Variants in LRTM1 observed in about 807,000 individuals in gnomAD.
LRTM1 encodes leucine rich repeat transmembrane protein 1.
In LRTM1, 38 loss-of-function variants were observed where a neutral mutation model predicts 32.4. The ratio of observed to expected loss-of-function variants is 1.17; its 90% CI spans 0.91 to 1.54. LRTM1 has a LOEUF of 1.54. Among genes scored for constraint, LRTM1 ranks in the 40% most tolerant of loss-of-function variants. The pLI is 0.00. For missense variants in LRTM1, 466 were observed against 415.4 expected (o/e 1.12, Z -1.06); for synonymous variants, 186 against 169.9 (o/e 1.09, Z -0.74).
chr3:54,939,692 C>G (rs1701414429), intron 1 of LRTM1, among the ~76,000 whole-genome samples: 1 of 152,216 alleles, frequency 6.6e-6, no homozygotes, highest in Admixed American at 6.5e-5. Flanking sequence ...TGGCTGTTTC[C>G]CTATTCAGAA....
chr3:54,954,704 G>A (rs1701837651), intron 1 of LRTM1, among the ~76,000 whole-genome samples: 1 of 152,166 alleles, frequency 6.6e-6, no homozygotes, highest in Non-Finnish European at 1.5e-5. Flanking sequence ...CCAGGCCTCA[G>A]CTTTTGAGAG....
At chr3:54,950,282 G>A (rs911480893) in intron 1 of LRTM1, among the ~76,000 whole-genome samples, 28 of 152,290 alleles carry the variant, frequency 1.8e-4, no homozygotes, top group African/African-American at 5.3e-4. Flanking sequence ...CCAAATGAAC[G>A]TAGATGTTAT....
intron 1 of LRTM1, among the ~76,000 whole-genome samples, chr3:54,954,992 G>C (rs936640132): frequency 7.2e-5 from 11 of 152,138 alleles, no homozygotes; most frequent in Admixed American, 2.6e-4. Flanking sequence ...CTATGCTTAG[G>C]GAATATGAGA....
At chr3:54,941,615 T>C (rs2106985842) in intron 1 of LRTM1, among the ~76,000 whole-genome samples, 1 of 152,366 alleles carries the variant, frequency 6.6e-6, no homozygotes, top group East Asian at 1.9e-4. Context: ...ATTGTTTTCA[T>C]TGTCTTTTGT....
chr3:54,947,841 T>C (rs905748919), intron 1 of LRTM1, among the ~76,000 whole-genome samples: 1 of 152,190 alleles, frequency 6.6e-6, no homozygotes, highest in Non-Finnish European at 1.5e-5. Flanking sequence ...TCCATGTAAA[T>C]GGTTCTCTAG....
chr3:54,918,947 A>C, intron 2 of LRTM1, 55 bp from the exon 3 acceptor site: 1 of 1,402,074 alleles, frequency 7.1e-7, no homozygotes, highest in Non-Finnish European at 9.4e-7. Context: ...ACAGAGTTCC[A>C]AAATCCTCTG....
intron 1 of LRTM1, among the ~76,000 whole-genome samples, chr3:54,946,744 C>A (rs755513606): frequency 1.3e-5 from 2 of 151,836 alleles, no homozygotes; most frequent in Non-Finnish European, 2.9e-5. Context: ...GAATCCAATC[C>A]TTTCTTAAAC....
At chr3:54,929,563 C>T (rs1375831448), upstream of LRTM1, among the ~76,000 whole-genome samples, 1 of 152,198 alleles carries the variant, frequency 6.6e-6, no homozygotes, top group Non-Finnish European at 1.5e-5. Flanking sequence ...CCACATAACC[C>T]AGTATATTCA....
At chr3:54,943,203 TAA>T (rs34708598) in intron 1 of LRTM1, among the ~76,000 whole-genome samples, 4 of 142,100 alleles carry the variant, frequency 2.8e-5, no homozygotes, top group African/African-American at 2.6e-5. Context: ...CTATCTCTGG[TAA>T]AAAAAAAAAA....
At chr3:54,938,761 T>C (rs949283503) in intron 1 of LRTM1, among the ~76,000 whole-genome samples, 8 of 152,132 alleles carry the variant, frequency 5.3e-5, no homozygotes, top group African/African-American at 1.9e-4. Flanking sequence ...TTTGAGAGCA[T>C]GTTGAAAAAG....
Position 54,925,197 on chromosome 3 carries a change from G to C in LRTM1, c.26C>G (p.Ser9Cys). The C allele has an allele frequency of 2.5e-6, 4 of 1,612,082 alleles. No homozygotes were observed. The highest frequency in any genetic ancestry group is 3.4e-6 in the Non-Finnish European group (4 of 1,178,390). MKGELLLF[S>C]SVIVLLQVVC... ...CACCTGGAGCAGGACAATCACACTG[G>C]AAAACAGGAGCAGTTCACCTACAAC... The change falls in exon 2 of 3, where the codon TCC becomes TGC. Residue 9 changes from serine to cysteine, a missense_variant. By Grantham distance (112) the Ser-to-Cys change is moderately radical. Transcript: ENST00000273286.
chr3:54,940,330 A>G (rs931465424), intron 1 of LRTM1, among the ~76,000 whole-genome samples: 7 of 152,252 alleles, frequency 4.6e-5, no homozygotes, highest in African/African-American at 1.7e-4. Flanking sequence ...TTCTAAAAAT[A>G]TATTCAACTT....
chr3:54,918,461 A>C lies in LRTM1; in HGVS notation c.1036T>G (p.Ter346GlyextTer19), dbSNP rs776497194. Residue 346 changes from the stop codon to glycine, a stop_lost, in exon 3 of 3, where the codon TGA becomes GGA. Transcript: ENST00000273286. ...EKERFDSSPA[*>G] ...AATCCTATTTGAGACAAAAGCTCTC[A>C]GGCTGGTGAGCTGTCAAATCGCTCT... The C allele has an allele frequency of 1.9e-6, 3 of 1,611,190 alleles. No individual in the cohort carries two copies. Among genetic ancestry groups the C allele is most frequent in the Non-Finnish European group, 2.5e-6 (3 of 1,179,088 alleles).
intron 1 of LRTM1, among the ~76,000 whole-genome samples, chr3:54,962,372 G>C (rs1702050843): frequency 6.6e-6 from 1 of 152,094 alleles, no homozygotes; most frequent in African/African-American, 2.4e-5. Flanking sequence ...AGTTTGCATT[G>C]GTCATAGATG....
intron 1 of LRTM1, among the ~76,000 whole-genome samples, chr3:54,925,966 T>A (rs1259290058): frequency 6.6e-6 from 1 of 152,254 alleles, no homozygotes; most frequent in Non-Finnish European, 1.5e-5. Flanking sequence ...AATAGTATAA[T>A]AAATACCCAT....
At chr3:54,932,060 T>C (rs533878267), upstream of LRTM1, among the ~76,000 whole-genome samples, 1 of 152,122 alleles carries the variant, frequency 6.6e-6, no homozygotes, top group Admixed American at 6.5e-5. Context: ...TGAGCGCCTA[T>C]AGTCTGAGCT....
At chr3:54,953,312 T>C (rs1343788205) in intron 1 of LRTM1, among the ~76,000 whole-genome samples, 1 of 152,138 alleles carries the variant, frequency 6.6e-6, no homozygotes. Flanking sequence ...CCTAAGTTTG[T>C]CTGAAATTTT....
At chr3:54,957,810 G>A (rs1378136507) in intron 1 of LRTM1, among the ~76,000 whole-genome samples, 2 of 152,134 alleles carry the variant, frequency 1.3e-5, no homozygotes, top group African/African-American at 4.8e-5. Flanking sequence ...CCCCTACACA[G>A]TCCCCCAGAC....
At chr3:54,965,963 A>C (rs1388793866) in intron 1 of LRTM1, among the ~76,000 whole-genome samples, 1 of 152,070 alleles carries the variant, frequency 6.6e-6, no homozygotes, top group East Asian at 1.9e-4. Context: ...GATTAATGGG[A>C]TGGAGGGACT....
Sources: allele counts gnomAD v4.1 joint callset (sites outside exome capture counted in the v4.1 genomes callset), GRCh38; gene constraint gnomAD v4.1.1; transcripts MANE v1.5; gene names NCBI Gene and HGNC (gene_info 2026-07-23, HGNC 2026-07-21).